Variants in FRMD5 observed in about 807,000 individuals in gnomAD.
FRMD5 encodes the protein FERM domain containing 5.
A neutral mutation model predicts 69.0 loss-of-function variants in FRMD5; 20 were observed. The observed-to-expected ratio is 0.29, with a 90% CI of 0.20 to 0.42. The LOEUF (loss-of-function observed/expected upper bound fraction) is 0.42, where lower values mean the gene tolerates loss of function less well. Ranked by LOEUF, FRMD5 falls within the 10% of genes least tolerant of loss-of-function variation. The pLI is 1.00. For missense variants in FRMD5, 595 were observed against 708.6 expected (o/e 0.84, Z 1.82); for synonymous variants, 271 against 260.1 (o/e 1.04, Z -0.40).
chr15:43,897,487 CAAAAAAAAAAAAAA>C (rs34243475), intron 7 of FRMD5, among the ~76,000 whole-genome samples: 460 of 16,140 alleles, frequency 0.029, 5 homozygotes, highest in Middle Eastern at 0.23. Flanking sequence ...CACTCCATCT[CAAAAAAAAAAAAAA>C]AAAAAAAAAA....
chr15:44,075,746 C>T (rs1034702685), intron 1 of FRMD5, among the ~76,000 whole-genome samples: 1 of 152,132 alleles, frequency 6.6e-6, no homozygotes, highest in Admixed American at 6.6e-5. Context: ...AAAAAACTAT[C>T]CAAATTCAAT....
intron 2 of FRMD5, among the ~76,000 whole-genome samples, chr15:43,920,946 T>C (rs953544927): frequency 2.0e-5 from 3 of 152,166 alleles, no homozygotes; most frequent in Admixed American, 2.0e-4. Flanking sequence ...GGGCCATGGG[T>C]CATGCAGTTA....
chr15:44,194,673 C>A (rs1566997300), intron 1 of FRMD5: 1 of 484,358 alleles, frequency 2.1e-6, no homozygotes, highest in Non-Finnish European at 3.7e-6. Context: ...GCTCGAGGAA[C>A]CAGGACGGGG....
intron 1 of FRMD5, among the ~76,000 whole-genome samples, chr15:44,057,193 C>T (rs1892906294): frequency 6.6e-6 from 1 of 151,290 alleles, no homozygotes; most frequent in East Asian, 1.9e-4. Flanking sequence ...GACACGATCT[C>T]GGCTCACTGC....
At chr15:43,946,184 A>T (rs1352961698) in intron 1 of FRMD5, among the ~76,000 whole-genome samples, 1 of 152,174 alleles carries the variant, frequency 6.6e-6, no homozygotes, top group Non-Finnish European at 1.5e-5. Context: ...TTTAAAGGCA[A>T]AGCTCTTGAC....
intron 1 of FRMD5, among the ~76,000 whole-genome samples, chr15:44,031,726 G>A (rs774381585): frequency 1.9e-4 from 29 of 152,064 alleles, no homozygotes; most frequent in Admixed American, 1.4e-3. Flanking sequence ...CCTATTTCAC[G>A]TAGTCCAGTA....
chr15:44,198,015 A>G (rs187272581), upstream of FRMD5, among the ~76,000 whole-genome samples: 1 of 152,280 alleles, frequency 6.6e-6, no homozygotes, highest in African/African-American at 2.4e-5. Flanking sequence ...TCAGTCTGAG[A>G]AAATCATGTC....
intron 1 of FRMD5, among the ~76,000 whole-genome samples, chr15:44,173,751 C>T (rs1360775339): frequency 6.6e-6 from 1 of 151,976 alleles, no homozygotes; most frequent in Non-Finnish European, 1.5e-5. Context: ...TGAGCTCAAG[C>T]GATCCTCCCA....
intron 1 of FRMD5, among the ~76,000 whole-genome samples, chr15:44,181,307 G>A (rs2077997014): frequency 6.6e-6 from 1 of 152,016 alleles, no homozygotes; most frequent in African/African-American, 2.4e-5. Context: ...GCCTCCCAAA[G>A]TGTTGGAGGC....
In FRMD5 at chr15:43,871,179, TTA is replaced by T. The variant is rs1233240282; in HGVS notation, c.*2704_*2705del. 1 of 152,236 alleles carries T rather than the reference TTA, an allele frequency of 6.6e-6. No individual in the cohort carries two copies. The highest frequency in any genetic ancestry group is 2.4e-5 in the African/African-American group (1 of 41,472). 9.4% of individuals were successfully genotyped at this position (152,236 alleles called of 1,614,324 possible). A position where few individuals can be genotyped will look rare whatever the true frequency, so the allele number is the denominator to read the frequency against. On this transcript the variant is annotated 3_prime_UTR_variant, in exon 14 of 14. Coordinates refer to ENST00000417257, the MANE Select transcript of FRMD5 (RefSeq NM_032892.5). ...AGACTAGTCACCAATCAAAGGAGGT[TTA>T]TTATTCAAGCACTATTTGAAAAGCA...
At chr15:43,973,519 C>G (rs1270478839) in intron 1 of FRMD5, among the ~76,000 whole-genome samples, 1 of 151,412 alleles carries the variant, frequency 6.6e-6, no homozygotes, top group Non-Finnish European at 1.5e-5. Flanking sequence ...AGGTGCCCAC[C>G]ACCACACCCA....
At chr15:44,154,910 G>C (rs1468642111) in intron 1 of FRMD5, among the ~76,000 whole-genome samples, 1 of 151,784 alleles carries the variant, frequency 6.6e-6, no homozygotes, top group Non-Finnish European at 1.5e-5. Flanking sequence ...ACTTTAAATG[G>C]GTGAATTGTA....
At chr15:44,035,016 T>G (rs1891846293) in intron 1 of FRMD5, among the ~76,000 whole-genome samples, 2 of 152,224 alleles carry the variant, frequency 1.3e-5, no homozygotes. Context: ...ATCAGAACAC[T>G]TAATTCTTGT....
At chr15:44,138,562 G>C (rs908393228) in intron 1 of FRMD5, among the ~76,000 whole-genome samples, 12 of 152,144 alleles carry the variant, frequency 7.9e-5, no homozygotes, top group African/African-American at 2.9e-4. Context: ...CCATCATAAA[G>C]AATGTAGGCA....
At chr15:44,046,297 A>T (rs931226184) in intron 1 of FRMD5, among the ~76,000 whole-genome samples, 3 of 152,232 alleles carry the variant, frequency 2.0e-5, no homozygotes, top group African/African-American at 7.2e-5. Flanking sequence ...GGAATTAATA[A>T]ATAGCTACAA....
chr15:44,132,953 G>T (rs2077125107), intron 1 of FRMD5, among the ~76,000 whole-genome samples: 1 of 151,586 alleles, frequency 6.6e-6, no homozygotes, highest in Admixed American at 6.6e-5. Flanking sequence ...AGTAGAGATG[G>T]GGTTTCACCA....
At chr15:44,084,974 A>G (rs936369026) in intron 1 of FRMD5, among the ~76,000 whole-genome samples, 1 of 152,122 alleles carries the variant, frequency 6.6e-6, no homozygotes, top group African/African-American at 2.4e-5. Flanking sequence ...ACATCCAGAT[A>G]TCATTACACA....
chr15:44,015,175 G>T (rs1226739946), intron 1 of FRMD5, among the ~76,000 whole-genome samples: 1 of 149,670 alleles, frequency 6.7e-6, no homozygotes, highest in South Asian at 2.1e-4. Flanking sequence ...TCACTCTGTT[G>T]CCTAGGCTGG....
At chr15:44,025,799 G>A (rs1891405496) in intron 1 of FRMD5, among the ~76,000 whole-genome samples, 2 of 152,158 alleles carry the variant, frequency 1.3e-5, no homozygotes, top group South Asian at 4.1e-4. Context: ...TGAGAGCCAG[G>A]CTTGGTGGCT....
Sources: allele counts gnomAD v4.1 joint callset (sites outside exome capture counted in the v4.1 genomes callset), GRCh38; gene constraint gnomAD v4.1.1; transcripts MANE v1.5; gene names NCBI Gene and HGNC (gene_info 2026-07-23, HGNC 2026-07-21).